STXBP5L: variants seen among roughly 807,000 people sequenced by gnomAD.
STXBP5L encodes syntaxin-binding protein 5-like.
Under a neutral mutation model 144.5 loss-of-function variants are expected in STXBP5L, and 65 were observed. That is an observed-to-expected ratio of 0.45 (90% confidence interval 0.37 to 0.55). STXBP5L has a LOEUF of 0.55. Among genes scored for constraint, STXBP5L ranks in the 20% least tolerant of loss-of-function variants. STXBP5L has a pLI of 0.00. For missense variants in STXBP5L, 1,298 were observed against 1,405.5 expected (o/e 0.92, Z 1.22); for synonymous variants, 505 against 469.6 (o/e 1.08, Z -0.97).
At position 121,121,653 on chromosome 3, in the gene STXBP5L, T is replaced by C; in HGVS notation, c.618T>C (p.Thr206=). The C allele has an allele frequency of 1.9e-6, 3 of 1,605,212 alleles. No homozygotes were observed. Among genetic ancestry groups the C allele is most frequent in the Non-Finnish European group, 2.6e-6 (3 of 1,173,688 alleles). Residue 206 remains threonine (T), a synonymous_variant, in exon 7 of 27, where the codon ACT becomes ACC. Transcript: ENST00000471454. ...WNKAIELSTK[T]HPGPVVHLSD... ...ATTGATTTAACAGATCCACTAAGAC[T>C]CATCCAGGTCCAGTTGTACATTTAA... is the stretch of plus-strand genomic sequence containing the variant.
At chr3:120,984,487 C>T (rs1166728350) in intron 3 of STXBP5L, among the ~76,000 whole-genome samples, 1 of 151,840 alleles carries the variant, frequency 6.6e-6, no homozygotes, top group East Asian at 1.9e-4. Flanking sequence ...TACTATTTTG[C>T]TCAATTCATT....
intron 20 of STXBP5L, among the ~76,000 whole-genome samples, chr3:121,374,771 T>A (rs973573878): frequency 9.2e-5 from 14 of 151,736 alleles, no homozygotes; most frequent in African/African-American, 2.9e-4. Context: ...AAAGGTGGTA[T>A]GGGGGTGTTG....
At chr3:121,414,215 T>C (rs1214246685) in intron 24 of STXBP5L, among the ~76,000 whole-genome samples, 3 of 150,976 alleles carry the variant, frequency 2.0e-5, no homozygotes, top group Non-Finnish European at 4.4e-5. Flanking sequence ...ATAAATAAGA[T>C]ACAAGTCCCT....
intron 5 of STXBP5L, among the ~76,000 whole-genome samples, chr3:121,095,060 G>A (rs2043041739): frequency 6.6e-6 from 1 of 152,160 alleles, no homozygotes; most frequent in South Asian, 2.1e-4. Context: ...TAGTTTGGCT[G>A]GATATGAAAT....
At chr3:121,025,367 A>G (rs193147174) in intron 3 of STXBP5L, among the ~76,000 whole-genome samples, 184 of 152,170 alleles carry the variant, frequency 1.2e-3, no homozygotes, top group Non-Finnish European at 2.1e-3. Flanking sequence ...ACTCAACCCT[A>G]TATGGTTTGC....
At chr3:121,378,610 A>T in intron 20 of STXBP5L, 106 bp from the exon 21 acceptor site, 1 of 1,271,404 alleles carries the variant, frequency 7.9e-7, no homozygotes, top group Non-Finnish European at 1.0e-6. Flanking sequence ...TGGTTTAGAA[A>T]ATAAAGGAAT....
chr3:121,207,955 C>A (rs1299630967), intron 10 of STXBP5L, among the ~76,000 whole-genome samples: 2 of 152,102 alleles, frequency 1.3e-5, no homozygotes, highest in Non-Finnish European at 2.9e-5. Flanking sequence ...ACTAGAAATA[C>A]CATTTGACCC....
intron 20 of STXBP5L, among the ~76,000 whole-genome samples, chr3:121,348,147 T>C (rs947043427): frequency 7.9e-5 from 12 of 152,122 alleles, no homozygotes; most frequent in Non-Finnish European, 1.3e-4. Context: ...TACCTAATTA[T>C]TGAGAGTTTT....
chr3:121,238,008 C>T, intron 12 of STXBP5L, among the ~76,000 whole-genome samples: 1 of 152,068 alleles, frequency 6.6e-6, no homozygotes, highest in Non-Finnish European at 1.5e-5. Context: ...CAAACTTTCC[C>T]TCATCTTTTT....
chr3:121,002,495 C>G (rs1943867894), intron 3 of STXBP5L, among the ~76,000 whole-genome samples: 1 of 151,920 alleles, frequency 6.6e-6, no homozygotes. Context: ...CTTCAGTGGC[C>G]TTTAATTTTG....
intron 7 of STXBP5L, among the ~76,000 whole-genome samples, chr3:121,129,466 C>T (rs1321480707): frequency 1.3e-5 from 2 of 151,446 alleles, no homozygotes; most frequent in Non-Finnish European, 2.9e-5. Context: ...AATAGTACAT[C>T]GCTATAAAAA....
At chr3:120,987,501 A>G (rs914000503) in intron 3 of STXBP5L, among the ~76,000 whole-genome samples, 19 of 151,804 alleles carry the variant, frequency 1.3e-4, no homozygotes, top group African/African-American at 4.1e-4. Context: ...GAGTTTTTAT[A>G]TATTCTAGAG....
At chr3:120,922,624 T>C (rs1709412662) in intron 2 of STXBP5L, among the ~76,000 whole-genome samples, 1 of 152,066 alleles carries the variant, frequency 6.6e-6, no homozygotes, top group African/African-American at 2.4e-5. Context: ...CTTTATTATT[T>C]TGAGGTATGT....
At chr3:121,272,831 TAATAAC>T (rs1218791290) in intron 18 of STXBP5L, among the ~76,000 whole-genome samples, 1 of 152,056 alleles carries the variant, frequency 6.6e-6, no homozygotes, top group Non-Finnish European at 1.5e-5. Context: ...ATCTTATACT[TAATAAC>T]AGTCTATTTA....
At chr3:121,049,979 A>T (rs1322690803) in intron 5 of STXBP5L, among the ~76,000 whole-genome samples, 1 of 152,092 alleles carries the variant, frequency 6.6e-6, no homozygotes, top group African/African-American at 2.4e-5. Flanking sequence ...CAGAAGTGTG[A>T]ATCCCTGGGG....
intron 5 of STXBP5L, among the ~76,000 whole-genome samples, chr3:121,057,848 T>C (rs904738199): frequency 6.6e-5 from 10 of 152,068 alleles, no homozygotes; most frequent in African/African-American, 2.4e-4. Context: ...CTTTTTTCTA[T>C]CTCTCATTCT....
intron 5 of STXBP5L, among the ~76,000 whole-genome samples, chr3:121,112,248 C>G (rs1363771288): frequency 6.6e-6 from 1 of 152,070 alleles, no homozygotes; most frequent in East Asian, 1.9e-4. Context: ...ATCTGCACAG[C>G]TCTGTTCTTG....
chr3:121,132,608 G>A (rs2045046107), intron 7 of STXBP5L, among the ~76,000 whole-genome samples: 1 of 152,064 alleles, frequency 6.6e-6, no homozygotes, highest in Non-Finnish European at 1.5e-5. Context: ...AGAGAGTCAA[G>A]GAAAATGAAG....
Position 121,415,858 on chromosome 3 carries a change from A to G in STXBP5L, c.3116A>G (p.Asp1039Gly). The G allele has an allele frequency of 6.3e-7, 1 of 1,597,194 alleles. No homozygotes were observed. Among genetic ancestry groups the G allele is most frequent in the Non-Finnish European group, 8.5e-7 (1 of 1,170,820 alleles). Residue 1039 changes from aspartate to glycine, a missense_variant and splice_region_variant, in exon 25 of 27, where the codon GAC becomes GGC. Coordinates refer to ENST00000471454, the MANE Select transcript of STXBP5L (RefSeq NM_001308330.2). ...YSQEMCDNLQ[D>G]MLGDLFTPIE... ...CTTTTTTCTGTGAATTTGATGCAGG[A>G]CATGCTAGGAGATTTGTTTACTCCC...
Sources: allele counts gnomAD v4.1 joint callset (sites outside exome capture counted in the v4.1 genomes callset), GRCh38; gene constraint gnomAD v4.1.1; transcripts MANE v1.5; gene names NCBI Gene and HGNC (gene_info 2026-07-23, HGNC 2026-07-21).